LRRC66: variants seen among roughly 807,000 people sequenced by gnomAD.
LRRC66 encodes the protein leucine-rich repeat-containing protein 66.
A neutral mutation model predicts 24.6 loss-of-function variants in LRRC66; 29 were observed. The ratio of observed to expected loss-of-function variants is 1.18; its 90% CI spans 0.88 to 1.61. The LOEUF (loss-of-function observed/expected upper bound fraction) is 1.61. LRRC66 is among the 40% of genes most tolerant of loss of function. The probability of loss-of-function intolerance (pLI) is 0.00; values close to 1 mark genes in which losing one functional copy is unlikely to be tolerated. For synonymous variants in LRRC66, 411 were observed against 397.6 expected (o/e 1.03, Z -0.40); for missense variants, 1,124 against 1,058.0 (o/e 1.06, Z -0.87).
intron 1 of LRRC66, chr4:52,018,531 C>A (rs1736869532): frequency 1.0e-6 from 1 of 985,276 alleles, no homozygotes; most frequent in South Asian, 4.7e-5. Flanking sequence ...TTCATCACTG[C>A]AGTCTGAAAT....
chr4:52,015,622 G>T (rs886222501), intron 2 of LRRC66, among the ~76,000 whole-genome samples: 7 of 152,140 alleles, frequency 4.6e-5, no homozygotes, highest in African/African-American at 1.4e-4. Flanking sequence ...ACAACAGAAG[G>T]TTATATCTCT....
At chr4:52,001,018 C>A (rs532727762) in intron 3 of LRRC66, among the ~76,000 whole-genome samples, 1 of 152,212 alleles carries the variant, frequency 6.6e-6, no homozygotes, top group South Asian at 2.1e-4. Flanking sequence ...TTTGTTTATT[C>A]GATAAGTATT....
At chr4:51,996,490 C>T (rs969997309) in intron 4 of LRRC66, among the ~76,000 whole-genome samples, 2 of 152,040 alleles carry the variant, frequency 1.3e-5, no homozygotes, top group African/African-American at 4.8e-5. Context: ...CTCTTGGCAT[C>T]AAGCGATTCT....
chr4:52,017,420 AC>A lies in LRRC66; in HGVS notation c.193del (p.Val65TrpfsTer3), dbSNP rs1363358210. ...TCTAAAGAAATTGAAACTTACATCCACAGTGGCTGCTGTCTGTGATATGTCC... is the reference window on the plus strand; with the variant it reads ...TCTAAAGAAATTGAAACTTACATCCAAGTGGCTGCTGTCTGTGATATGTCC... ...PVDISQTAAT[V>X]DVSFNFFRVL... On this transcript the variant is annotated frameshift_variant, in exon 2 of 5. Transcript: ENST00000682860. LOFTEE classifies it high-confidence loss of function. 2 of 1,614,182 alleles carry A rather than the reference AC, an allele frequency of 1.2e-6. No homozygotes were observed. Among genetic ancestry groups the A allele is most frequent in the Admixed American group, 3.3e-5 (2 of 60,022 alleles).
Position 51,996,173 on chromosome 4 carries a change from T to G in LRRC66, c.857-8A>C. 6.4e-7 allele frequency: 1 copy of G among 1,567,380 alleles called. No homozygotes were observed. The highest frequency in any genetic ancestry group is 8.6e-7 in the Non-Finnish European group (1 of 1,157,828). On this transcript the variant is annotated splice_polypyrimidine_tract_variant and splice_region_variant and intron_variant, in intron 4 of 4. Transcript: ENST00000682860. ...CGTTGGCCTCCTCACTCCCTGCAAG[T>G]GGGATTAAAAAAATACACATTGAGC...
Position 51,994,646 on chromosome 4 carries a change from A to C in LRRC66, c.2376T>G (p.Asn792Lys), listed in dbSNP as rs1736247867. ...CCTCAGATCTATCAGTGTCAGAGGCATTTTCCAGATGAGTCTTGTACATGC... is the reference window on the plus strand; with the variant it reads ...CCTCAGATCTATCAGTGTCAGAGGCCTTTTCCAGATGAGTCTTGTACATGC... ...DSGMYKTHLE[N>K]ASDTDRSEGL... Residue 792 changes from asparagine (N) to lysine (K), a missense_variant, in exon 5 of 5, where the codon AAT becomes AAG. Coordinates refer to ENST00000682860, the MANE Select transcript of LRRC66 (RefSeq NM_001024611.3). 1 of 1,614,158 alleles carries C rather than the reference A, an allele frequency of 6.2e-7. No homozygotes were observed.
chr4:51,999,703 T>C (rs559623663), intron 3 of LRRC66, among the ~76,000 whole-genome samples: 1 of 152,146 alleles, frequency 6.6e-6, no homozygotes, highest in South Asian at 2.1e-4. Context: ...GGATAGAAAA[T>C]TAATAAAATT....
chr4:51,999,932 A>C (rs1285650655), intron 3 of LRRC66, among the ~76,000 whole-genome samples: 3 of 152,350 alleles, frequency 2.0e-5, no homozygotes, highest in East Asian at 3.9e-4. Context: ...ATTTCATCCC[A>C]TCAAAGCATG....
intron 2 of LRRC66, among the ~76,000 whole-genome samples, chr4:52,007,924 T>G (rs1440124539): frequency 6.6e-6 from 1 of 152,168 alleles, no homozygotes; most frequent in African/African-American, 2.4e-5. Flanking sequence ...GGACGAGCCC[T>G]TGAGGAATAA....
At position 52,017,360 on chromosome 4, in the gene LRRC66, C is replaced by T. The variant is rs200660752; in HGVS notation, c.254G>A (p.Trp85Ter). Residue 85 changes from tryptophan to a stop codon, truncating the protein, a stop_gained, in exon 2 of 5, where the codon TGG becomes TAG. Transcript: ENST00000682860. LOFTEE classifies it high-confidence loss of function. ...LLQSHTKKEEWKIKHLDLSNN... is the reference protein window; with the variant it reads ...LLQSHTKKEE ...ACTGAGGTCCAGATGTTTTATTTTC[C>T]ACTCTTCTTTTTTCGTGTGAGACTG... 1.8e-4 allele frequency: 290 copies of T among 1,614,028 alleles called. 3 individuals carry two copies. The East Asian group carries it at 6.0e-3, about 33-fold the overall frequency.
chr4:52,009,775 A>C (rs1736661596), intron 2 of LRRC66, among the ~76,000 whole-genome samples: 1 of 152,184 alleles, frequency 6.6e-6, no homozygotes, highest in African/African-American at 2.4e-5. Flanking sequence ...GGAAGAAACA[A>C]AGCCAATTCT....
At chr4:51,997,483 G>GA (rs1736347204) in intron 4 of LRRC66, among the ~76,000 whole-genome samples, 10 of 152,160 alleles carry the variant, frequency 6.6e-5, no homozygotes, top group Admixed American at 6.5e-4. Flanking sequence ...CACTTCTAGT[G>GA]GAATTCCTCC....
intron 2 of LRRC66, among the ~76,000 whole-genome samples, chr4:52,015,796 A>G (rs1736795829): frequency 6.6e-6 from 1 of 152,212 alleles, no homozygotes; most frequent in African/African-American, 2.4e-5. Flanking sequence ...ATATATAAAA[A>G]CCAACTATTT....
Position 51,994,252 on chromosome 4 carries a change from G to A in LRRC66, c.*127C>T. Reference sequence around the variant, plus strand: ...GCCCACAAAACCCTCATTTGCATCAGTGTCCACTTGGTTGGAATTCATGTT... The same window carrying A: ...GCCCACAAAACCCTCATTTGCATCAATGTCCACTTGGTTGGAATTCATGTT... On this transcript the variant is annotated 3_prime_UTR_variant, in exon 5 of 5. Transcript: ENST00000682860. 2 of 881,236 alleles carry A rather than the reference G, an allele frequency of 2.3e-6. No individual in the cohort carries two copies. 54.6% of individuals were successfully genotyped at this position (881,236 alleles called of 1,614,324 possible).
intron 3 of LRRC66, 31 bp downstream of exon 3, chr4:52,003,192 T>G (rs758651366): frequency 6.4e-7 from 1 of 1,556,320 alleles, no homozygotes; most frequent in Non-Finnish European, 8.8e-7. Flanking sequence ...GTGTCTTCCT[T>G]ATTCAAATAT....
At chr4:52,006,600 T>G (rs1323393260) in intron 2 of LRRC66, among the ~76,000 whole-genome samples, 3 of 149,404 alleles carry the variant, frequency 2.0e-5, no homozygotes, top group Non-Finnish European at 4.5e-5. Flanking sequence ...TACCTAATGC[T>G]AGATGACGAG....
chr4:52,009,670 C>T (rs1736655509), intron 2 of LRRC66, among the ~76,000 whole-genome samples: 1 of 152,062 alleles, frequency 6.6e-6, no homozygotes, highest in Non-Finnish European at 1.5e-5. Flanking sequence ...AATAACCCTG[C>T]ATCTATTAAT....
intron 2 of LRRC66, among the ~76,000 whole-genome samples, chr4:52,016,248 A>ACTG (rs1736808045): frequency 6.6e-6 from 1 of 152,212 alleles, no homozygotes; most frequent in Non-Finnish European, 1.5e-5. Flanking sequence ...TGAAGATAAA[A>ACTG]ACATGAAATG....
At chr4:51,999,536 C>T (rs1037490191) in intron 3 of LRRC66, among the ~76,000 whole-genome samples, 7 of 152,142 alleles carry the variant, frequency 4.6e-5, no homozygotes, top group South Asian at 4.2e-4. Flanking sequence ...GTCTTGGTGA[C>T]GATCAGTAGC....
Sources: allele counts gnomAD v4.1 joint callset (sites outside exome capture counted in the v4.1 genomes callset), GRCh38; gene constraint gnomAD v4.1.1; transcripts MANE v1.5; gene names NCBI Gene and HGNC (gene_info 2026-07-23, HGNC 2026-07-21).